Variants in PCDHA2 observed in about 807,000 individuals in gnomAD.
The protein encoded by PCDHA2 is protocadherin alpha-2.
In PCDHA2, 58 loss-of-function variants were observed where a neutral mutation model predicts 66.0. That is an observed-to-expected ratio of 0.88 (90% CI 0.71 to 1.09). The LOEUF is 1.09. Among genes scored for constraint, PCDHA2 ranks in the 50% least tolerant of loss-of-function variants. The probability of loss-of-function intolerance (pLI) is 0.00; values close to 1 mark genes in which losing one functional copy is unlikely to be tolerated. For synonymous variants in PCDHA2, 634 were observed against 554.0 expected, an observed-to-expected ratio of 1.14 and a Z score of -2.03; for missense variants, 1,267 against 1,242.3, an observed-to-expected ratio of 1.02 and a Z score of -0.30.
intron 1 of PCDHA2, among the ~76,000 whole-genome samples, chr5:140,821,071 G>GA: frequency 6.6e-6 from 1 of 151,924 alleles, no homozygotes; most frequent in Non-Finnish European, 1.5e-5. Flanking sequence ...AATAGTTTTA[G>GA]TTGTTTTTGA....
chr5:140,820,673 G>A (rs2150107596), intron 1 of PCDHA2, among the ~76,000 whole-genome samples: 8,895 of 152,040 alleles, frequency 0.059, 862 homozygotes, highest in African/African-American at 0.2. Flanking sequence ...TATAAAGATA[G>A]CCTGGTTAAT....
intron 1 of PCDHA2, chr5:140,857,767 C>T: frequency 6.3e-7 from 1 of 1,597,458 alleles, no homozygotes; most frequent in Non-Finnish European, 8.6e-7. Context: ...GCAGCGCGGG[C>T]GGTGCAGTCA....
At chr5:140,836,407 C>T (rs2150259988) in intron 1 of PCDHA2, 23 of 1,613,770 alleles carry the variant, frequency 1.4e-5, no homozygotes, top group Non-Finnish European at 1.9e-5. Context: ...AGCGGCCAGG[C>T]ACCAAAGGCG....
At position 140,795,432 on chromosome 5, in the gene PCDHA2, A is replaced by C; in HGVS notation, c.468A>C (p.Gly156=). The C allele has an allele frequency of 1.9e-6, 3 of 1,614,160 alleles. No homozygotes were observed. In the South Asian group the frequency reaches 3.3e-5, roughly 18 times the overall value. Residue 156 remains glycine (G), a synonymous_variant, in exon 1 of 4, where the codon GGA becomes GGC. Transcript: ENST00000526136. ...RLLDSRFPLE[G]ASDADIGVNA... Reference sequence around the variant, plus strand: ...TTGATTCTCGGTTTCCTCTAGAGGGAGCATCTGATGCAGATATAGGAGTAA... The same window carrying C: ...TTGATTCTCGGTTTCCTCTAGAGGGCGCATCTGATGCAGATATAGGAGTAA...
Position 140,882,692 on chromosome 5 carries a change from AT to A in PCDHA2, c.2388+85342del, listed in dbSNP as rs782355155. On this transcript the variant is annotated intron_variant, in intron 1 of 3. Coordinates refer to ENST00000526136, the MANE Select transcript of PCDHA2 (RefSeq NM_018905.3). The stretch of plus-strand genomic sequence containing the variant: ...CCCTGAAAGCAAGAAACGAATAATC[AT>A]TGCAGAATCTAGACCTCCGGAAACT... The A allele has an allele frequency of 2.1e-5, 34 of 1,614,204 alleles. No individual in the cohort carries two copies. In the South Asian group the frequency reaches 3.5e-4, roughly 17 times the overall value.
Position 141,010,389 on chromosome 5 carries a change from G to A in PCDHA2, c.*452G>A. The A allele has an allele frequency of 1.4e-6, 2 of 1,400,314 alleles. No individual in the cohort carries two copies. Among genetic ancestry groups the A allele is most frequent in the Non-Finnish European group, 1.9e-6 (2 of 1,052,510 alleles). The allele number at this position is 1,400,314 out of a possible 1,614,324, so 86.7% of individuals were successfully genotyped here. ...TATGCGAGTGCCAGATATTGGCTGA[G>A]ACGAGCCAGCTTAGACTAATTGGTA... On this transcript the variant is annotated 3_prime_UTR_variant, in exon 4 of 4. Coordinates refer to ENST00000526136, the MANE Select transcript of PCDHA2 (RefSeq NM_018905.3).
At chr5:140,977,936 A>G (rs1444613652) in intron 1 of PCDHA2, among the ~76,000 whole-genome samples, 2 of 152,202 alleles carry the variant, frequency 1.3e-5, no homozygotes, top group African/African-American at 4.8e-5. Context: ...CTATACCTCA[A>G]TATTCAGTGA....
At chr5:140,993,460 T>A (rs1416332490) in intron 3 of PCDHA2, among the ~76,000 whole-genome samples, 1 of 104,506 alleles carries the variant, frequency 9.6e-6, no homozygotes, top group Non-Finnish European at 1.9e-5. Context: ...CTTCTTTCTT[T>A]CTCACACACA....
At chr5:140,854,746 A>G (rs1562496146) in intron 1 of PCDHA2, 1 of 149,836 alleles carries the variant, frequency 6.7e-6, no homozygotes, top group Non-Finnish European at 1.5e-5. Context: ...CAGCACAGAT[A>G]TATTACATTT....
intron 1 of PCDHA2, among the ~76,000 whole-genome samples, chr5:140,911,760 A>G (rs1295639313): frequency 6.6e-6 from 1 of 151,962 alleles, no homozygotes; most frequent in African/African-American, 2.4e-5. Flanking sequence ...TCTCCATACT[A>G]TTAGAAGTAC....
chr5:140,829,793 C>A (rs1369213842), intron 1 of PCDHA2: 2 of 1,613,818 alleles, frequency 1.2e-6, no homozygotes, highest in African/African-American at 2.7e-5. Context: ...GCTGCTGGCG[C>A]CTCGGGTGGG....
chr5:140,821,899 A>T, intron 1 of PCDHA2: 2 of 1,614,162 alleles, frequency 1.2e-6, no homozygotes, highest in Non-Finnish European at 1.7e-6. Context: ...CAAACACGGA[A>T]CCTTCGTTGG....
In PCDHA2 at chr5:141,011,437, GA is replaced by G. The variant is rs1196462702; in HGVS notation, c.*1501del. The G allele has an allele frequency of 2.6e-5, 4 of 153,726 alleles. No homozygotes were observed. Among genetic ancestry groups the G allele is most frequent in the African/African-American group, 9.7e-5 (4 of 41,440 alleles). 9.5% of individuals were successfully genotyped at this position (153,726 alleles called of 1,614,324 possible). ...TGAATGTTAATGCAACTATTACCTA[GA>G]GTGAACTTTAAGCTTTATTGTTGAA... is the stretch of plus-strand genomic sequence containing the variant. On this transcript the variant is annotated 3_prime_UTR_variant, in exon 4 of 4. Transcript: ENST00000526136.
At chr5:140,943,630 T>C (rs1224015760) in intron 1 of PCDHA2, among the ~76,000 whole-genome samples, 1 of 152,130 alleles carries the variant, frequency 6.6e-6, no homozygotes, top group Non-Finnish European at 1.5e-5. Flanking sequence ...ATAAGGAAGC[T>C]GGATTATGGA....
chr5:140,908,256 A>G (rs192899359), intron 1 of PCDHA2, among the ~76,000 whole-genome samples: 9 of 152,248 alleles, frequency 5.9e-5, no homozygotes, highest in Non-Finnish European at 1.0e-4. Flanking sequence ...AACTGATCAT[A>G]GGGAACTCCC....
rs2150314975 is a variant in PCDHA2, at chr5:140,841,416, A to G, written c.2388+44064A>G. 6 of 1,613,024 alleles carry G rather than the reference A, an allele frequency of 3.7e-6. No homozygotes were observed. The South Asian group carries it at 6.6e-5, about 18-fold the overall frequency. On this transcript the variant is annotated intron_variant, in intron 1 of 3. Coordinates refer to ENST00000526136, the MANE Select transcript of PCDHA2 (RefSeq NM_018905.3). Reference sequence around the variant, plus strand: ...TGGAAGGTGGGGAGCGGCCAGCTCCACTACTCCGTCCCCGAGGAGGCCAAA... The same window carrying G: ...TGGAAGGTGGGGAGCGGCCAGCTCCGCTACTCCGTCCCCGAGGAGGCCAAA...
At position 141,009,762 on chromosome 5, in the gene PCDHA2, C is replaced by G. The variant is rs2154001658; in HGVS notation, c.2672C>G (p.Ser891Cys). Reference sequence around the variant, plus strand: ...CCCGACAAATTCATTATCCCAGGATCTCCTGCAATCATCTCCATCCGGCAG... The same window carrying G: ...CCCGACAAATTCATTATCCCAGGATGTCCTGCAATCATCTCCATCCGGCAG... Reference protein sequence around the residue: ...ELPDKFIIPGSPAIISIRQEP... With the variant: ...ELPDKFIIPGCPAIISIRQEP... The change falls in exon 4 of 4, where the codon TCT becomes TGT. Residue 891 changes from serine (S) to cysteine (C), a missense_variant. Coordinates refer to ENST00000526136, the MANE Select transcript of PCDHA2 (RefSeq NM_018905.3). 5 of 1,614,180 alleles carry G rather than the reference C, an allele frequency of 3.1e-6. No homozygotes were observed. In the East Asian group the frequency reaches 1.1e-4, roughly 36 times the overall value.
intron 1 of PCDHA2, among the ~76,000 whole-genome samples, chr5:140,902,149 G>T (rs1471758440): frequency 6.8e-6 from 1 of 147,458 alleles, no homozygotes; most frequent in African/African-American, 2.5e-5. Flanking sequence ...AGGATAATTT[G>T]ATTTCTTCCT....
rs144631339 is a variant in PCDHA2 at position 140,834,572 on chromosome 5, G to T, written c.2388+37220G>T. 285 of 1,614,126 alleles carry T rather than the reference G, an allele frequency of 1.8e-4. 1 individual carries two copies. In the African/African-American group the frequency reaches 1.9e-3, roughly 11 times the overall value. ...AGCTGGCGGAGCTGGTGCCGCGCCTGTTCCGGGCGGTGTGCAAATTCCGTG... is the reference window on the plus strand; with the variant it reads ...AGCTGGCGGAGCTGGTGCCGCGCCTTTTCCGGGCGGTGTGCAAATTCCGTG... On this transcript the variant is annotated intron_variant, in intron 1 of 3. Transcript: ENST00000526136.
Sources: allele counts gnomAD v4.1 joint callset (sites outside exome capture counted in the v4.1 genomes callset), GRCh38; gene constraint gnomAD v4.1.1; transcripts MANE v1.5; gene names NCBI Gene and HGNC (gene_info 2026-07-23, HGNC 2026-07-21).